Variants in MAML2 observed in about 807,000 individuals in gnomAD.
MAML2 encodes the protein mastermind like transcriptional coactivator 2.
MAML2 carries 22 observed loss-of-function variants against 96.1 expected under a neutral mutation model. The observed-to-expected ratio is 0.23, with a 90% CI of 0.16 to 0.33. The LOEUF (loss-of-function observed/expected upper bound fraction) is 0.33. MAML2 is among the 10% of genes least tolerant of loss of function. The pLI, the probability that MAML2 is intolerant of heterozygous loss-of-function variation, is 1.00. For synonymous variants in MAML2, 561 were observed against 521.3 expected, an observed-to-expected ratio of 1.08 and a Z score of -1.04; for missense variants, 1,367 against 1,392.4, an observed-to-expected ratio of 0.98 and a Z score of 0.29.
chr11:96,238,762 T>C (rs893883691), intron 1 of MAML2, among the ~76,000 whole-genome samples: 1 of 152,224 alleles, frequency 6.6e-6, no homozygotes, highest in Non-Finnish European at 1.5e-5. Flanking sequence ...AGATAAATAA[T>C]GTGTTTACAA....
chr11:96,336,602 A>T (rs1470240964), intron 1 of MAML2, among the ~76,000 whole-genome samples: 1 of 152,264 alleles, frequency 6.6e-6, no homozygotes, highest in Non-Finnish European at 1.5e-5. Flanking sequence ...GGATTAAAGA[A>T]CAAGAAAGCA....
At chr11:96,138,390 C>T (rs1860671973) in intron 1 of MAML2, among the ~76,000 whole-genome samples, 3 of 152,238 alleles carry the variant, frequency 2.0e-5, no homozygotes, top group East Asian at 3.9e-4. Context: ...AACTCTGAAG[C>T]TTTGTGGCCA....
At chr11:96,031,790 C>T (rs1379149557) in intron 2 of MAML2, among the ~76,000 whole-genome samples, 3 of 151,884 alleles carry the variant, frequency 2.0e-5, no homozygotes, top group African/African-American at 2.4e-5. Context: ...TCGAGACCAC[C>T]CTGGCTAACA....
chr11:96,331,547 A>C (rs1004608862), intron 1 of MAML2, among the ~76,000 whole-genome samples: 1 of 151,990 alleles, frequency 6.6e-6, no homozygotes, highest in Admixed American at 6.6e-5. Flanking sequence ...CTGTAATCCC[A>C]GCACTTTTTG....
intron 1 of MAML2, among the ~76,000 whole-genome samples, chr11:96,166,177 TCACA>T (rs1555018442): frequency 5.2e-4 from 57 of 110,380 alleles, no homozygotes; most frequent in East Asian, 1.6e-3. Context: ...TCTCTCTCTC[TCACA>T]CACACACACA....
At chr11:96,278,235 A>G (rs965839568) in intron 1 of MAML2, among the ~76,000 whole-genome samples, 2 of 152,154 alleles carry the variant, frequency 1.3e-5, no homozygotes, top group East Asian at 1.9e-4. Context: ...TAAGGGGGAA[A>G]AAAAGGAACG....
Position 95,991,531 on chromosome 11 carries a change from GCA to G in MAML2, c.2330_2331del (p.Met777ThrfsTer3). The part of the protein sequence containing the change: ...QKQQLLLQQQ[M>X]LADAEKIAPQ... ...AGAGAAAGTTTTACCGCGTCAGCCA[GCA>G]TCTGCTGCTGGAGAAGAAGTTGCTG... On this transcript the variant is annotated frameshift_variant, in exon 3 of 5. Transcript: ENST00000524717. LOFTEE classifies it high-confidence loss of function. 6.2e-7 allele frequency: 1 copy of G among 1,613,682 alleles called. No individual in the cohort carries two copies. Among genetic ancestry groups the G allele is most frequent in the Non-Finnish European group, 8.5e-7 (1 of 1,179,630 alleles).
intron 1 of MAML2, among the ~76,000 whole-genome samples, chr11:96,242,761 G>T (rs544656): frequency 0.27 from 41,478 of 152,062 alleles, 5,860 homozygotes; most frequent in South Asian, 0.38. Flanking sequence ...AAGGGGAAAG[G>T]ATCATAATTT....
intron 1 of MAML2, among the ~76,000 whole-genome samples, chr11:96,149,975 ATGGCCAGTACTAAAT>A (rs1860894270): frequency 6.6e-6 from 1 of 152,170 alleles, no homozygotes; most frequent in Non-Finnish European, 1.5e-5. Context: ...CTGAGTCATC[ATGGCCAGTACTAAAT>A]TGTCTTCTAA....
At chr11:96,318,790 T>C (rs1863664702) in intron 1 of MAML2, among the ~76,000 whole-genome samples, 1 of 152,234 alleles carries the variant, frequency 6.6e-6, no homozygotes, top group Admixed American at 6.5e-5. Context: ...TGAATACCTA[T>C]GAAATTAATT....
intron 1 of MAML2, among the ~76,000 whole-genome samples, chr11:96,101,989 G>A (rs920396819): frequency 6.6e-6 from 1 of 152,080 alleles, no homozygotes; most frequent in Non-Finnish European, 1.5e-5. Context: ...TTAAAATACT[G>A]TTTTCAGCCA....
At chr11:96,198,507 T>C (rs1404548627) in intron 1 of MAML2, among the ~76,000 whole-genome samples, 2 of 152,188 alleles carry the variant, frequency 1.3e-5, no homozygotes, top group African/African-American at 2.4e-5. Flanking sequence ...GTAATCATCA[T>C]GGGGGTAGAT....
intron 2 of MAML2, among the ~76,000 whole-genome samples, chr11:96,073,677 G>A (rs1034381091): frequency 1.3e-5 from 2 of 152,174 alleles, no homozygotes; most frequent in African/African-American, 4.8e-5. Context: ...TATCTTGGGT[G>A]GAAAGAGTAT....
chr11:96,337,531 A>G (rs1863935768), intron 1 of MAML2, among the ~76,000 whole-genome samples: 1 of 152,230 alleles, frequency 6.6e-6, no homozygotes, highest in Non-Finnish European at 1.5e-5. Flanking sequence ...TCCCAGGTCC[A>G]TGCAGAGGCC....
At chr11:96,097,116 C>A (rs1170893429) in intron 1 of MAML2, among the ~76,000 whole-genome samples, 1 of 152,214 alleles carries the variant, frequency 6.6e-6, no homozygotes, top group East Asian at 1.9e-4. Context: ...TTTGAAATAT[C>A]TCCTTTGCTG....
At chr11:96,339,069 C>A (rs1863955525) in intron 1 of MAML2, among the ~76,000 whole-genome samples, 1 of 152,184 alleles carries the variant, frequency 6.6e-6, no homozygotes, top group Admixed American at 6.5e-5. Flanking sequence ...CCGTGCAATG[C>A]CACATATTCT....
intron 1 of MAML2, among the ~76,000 whole-genome samples, chr11:96,117,544 C>T (rs1036117317): frequency 6.6e-6 from 1 of 152,080 alleles, no homozygotes; most frequent in Non-Finnish European, 1.5e-5. Flanking sequence ...AAGCAATCTA[C>T]CTGCCTTGGC....
chr11:96,282,382 T>C (rs1863084534), intron 1 of MAML2, among the ~76,000 whole-genome samples: 1 of 152,206 alleles, frequency 6.6e-6, no homozygotes, highest in Non-Finnish European at 1.5e-5. Context: ...TGAGTGGATT[T>C]AAATTATTTT....
At chr11:96,162,831 G>A (rs1861134520) in intron 1 of MAML2, among the ~76,000 whole-genome samples, 1 of 152,090 alleles carries the variant, frequency 6.6e-6, no homozygotes, top group Non-Finnish European at 1.5e-5. Context: ...TTCCTAGGCT[G>A]CCCTAGATGC....
Sources: gnomAD v4.1 joint callset for allele counts (sites outside exome capture counted in the v4.1 genomes callset) on GRCh38, gnomAD v4.1.1 for gene constraint, MANE v1.5 for transcripts, NCBI Gene and HGNC (gene_info 2026-07-23, HGNC 2026-07-21) for gene names.